The following HS3ST2 variants were observed in gnomAD, a reference collection of about 807,000 sequenced individuals.
The protein encoded by HS3ST2 is heparan sulfate glucosamine 3-O-sulfotransferase 2.
HS3ST2 carries 17 observed loss-of-function variants against 26.3 expected under a neutral mutation model. That is an observed-to-expected ratio of 0.65 (90% CI 0.44 to 0.97). The LOEUF is 0.97. Ranked by LOEUF, HS3ST2 falls within the 50% of genes least tolerant of loss-of-function variation. The pLI is 0.00. For missense variants in HS3ST2, 402 were observed against 501.2 expected (o/e 0.80, Z 1.89); for synonymous variants, 237 against 219.2 (o/e 1.08, Z -0.72).
intron 1 of HS3ST2, among the ~76,000 whole-genome samples, chr16:22,882,807 T>A (rs1238368092): frequency 6.6e-6 from 1 of 151,626 alleles, no homozygotes; most frequent in Admixed American, 6.6e-5. Context: ...CTGAGGCAGG[T>A]GGATCACGAG....
At chr16:22,900,647 A>G (rs1285590428) in intron 1 of HS3ST2, among the ~76,000 whole-genome samples, 2 of 152,110 alleles carry the variant, frequency 1.3e-5, no homozygotes, top group Admixed American at 6.6e-5. Context: ...TGAAGTGTGT[A>G]TGGAGAAAGA....
At chr16:22,828,077 A>T (rs1901116277) in intron 1 of HS3ST2, among the ~76,000 whole-genome samples, 2 of 152,030 alleles carry the variant, frequency 1.3e-5, no homozygotes, top group South Asian at 4.1e-4. Flanking sequence ...TCTGAACCAA[A>T]TATACTTCCC....
Position 22,850,858 on chromosome 16 carries a change from A to G in HS3ST2, c.485+35763A>G, listed in dbSNP as rs1430565368. Among the ~76,000 whole-genome samples the G allele has an allele frequency of 2.6e-5, 4 of 152,204 alleles. No individual in the cohort carries two copies. The South Asian group carries it at 8.3e-4, about 32-fold the overall frequency. On this transcript the variant is annotated intron_variant, in intron 1 of 1. Coordinates refer to ENST00000261374, the MANE Select transcript of HS3ST2 (RefSeq NM_006043.2). ...ACAAAAAAAACAGAATCTCTCATAC[A>G]GCCGCAGTTCTGCAGTTGAATATCA... is the stretch of plus-strand genomic sequence containing the variant.
chr16:22,877,807 C>T (rs1805862690), intron 1 of HS3ST2, among the ~76,000 whole-genome samples: 1 of 152,142 alleles, frequency 6.6e-6, no homozygotes, highest in South Asian at 2.1e-4. Flanking sequence ...GCTTGTCTGA[C>T]CAAGTAAGAC....
intron 1 of HS3ST2, among the ~76,000 whole-genome samples, chr16:22,886,217 C>T (rs982733257): frequency 6.6e-6 from 1 of 152,202 alleles, no homozygotes; most frequent in African/African-American, 2.4e-5. Context: ...CCCTGCAAAA[C>T]ATAGCAAAGT....
intron 1 of HS3ST2, among the ~76,000 whole-genome samples, chr16:22,846,799 T>TAA (rs35012150): frequency 1.3e-3 from 191 of 150,900 alleles, no homozygotes; most frequent in Non-Finnish European, 2.0e-3. Flanking sequence ...AACCTTAATG[T>TAA]AAAAAAAAAT....
chr16:22,866,067 A>G (rs1901745326), intron 1 of HS3ST2, among the ~76,000 whole-genome samples: 1 of 152,194 alleles, frequency 6.6e-6, no homozygotes, highest in South Asian at 2.1e-4. Context: ...GGTTCCTTAC[A>G]TTATGTTTAA....
intron 1 of HS3ST2, among the ~76,000 whole-genome samples, chr16:22,831,221 C>T (rs990082871): frequency 6.6e-6 from 1 of 152,206 alleles, no homozygotes; most frequent in African/African-American, 2.4e-5. Flanking sequence ...TCATTTGCCA[C>T]CTAAATTTGT....
intron 1 of HS3ST2, among the ~76,000 whole-genome samples, chr16:22,824,064 TAGAC>T (rs1901043729): frequency 6.6e-6 from 1 of 152,246 alleles, no homozygotes. Context: ...CACGTATCTG[TAGAC>T]GTCAGTGTCA....
intron 1 of HS3ST2, among the ~76,000 whole-genome samples, chr16:22,913,266 C>A (rs1036636747): frequency 6.6e-6 from 1 of 151,618 alleles, no homozygotes; most frequent in African/African-American, 2.4e-5. Context: ...CAACTATGAC[C>A]TTCATCAAGA....
intron 1 of HS3ST2, among the ~76,000 whole-genome samples, chr16:22,833,662 G>T (rs117242935): frequency 0.022 from 3,345 of 152,214 alleles, 58 homozygotes; most frequent in Middle Eastern, 0.061. Context: ...GTGGACTCTT[G>T]TAGGGTCAGT....
chr16:22,843,338 C>T (rs940442700), intron 1 of HS3ST2, among the ~76,000 whole-genome samples: 1 of 152,138 alleles, frequency 6.6e-6, no homozygotes, highest in Non-Finnish European at 1.5e-5. Context: ...ACATTATCTA[C>T]CCAGAAACAG....
intron 1 of HS3ST2, among the ~76,000 whole-genome samples, chr16:22,864,882 C>CAAAAAAAAAAAAAA (rs34942780): frequency 1.6e-4 from 9 of 57,148 alleles, no homozygotes; most frequent in Admixed American, 4.2e-4. Context: ...CCTGTCTCCA[C>CAAAAAAAAAAAAAA]AAAAAAAAAA....
intron 1 of HS3ST2, among the ~76,000 whole-genome samples, chr16:22,888,373 C>CTT (rs1165585404): frequency 3.0e-3 from 186 of 61,230 alleles, no homozygotes; most frequent in African/African-American, 5.7e-3. Context: ...TCTGGCTTTT[C>CTT]TTTTTTTTTT....
At chr16:22,892,397 A>C (rs149011076) in intron 1 of HS3ST2, among the ~76,000 whole-genome samples, 144 of 152,244 alleles carry the variant, frequency 9.5e-4, no homozygotes, top group African/African-American at 3.3e-3. Flanking sequence ...CTTCCTTTTA[A>C]TATCCAAGTA....
intron 1 of HS3ST2, among the ~76,000 whole-genome samples, chr16:22,914,269 T>C (rs922663162): frequency 1.1e-4 from 17 of 152,224 alleles, no homozygotes; most frequent in Admixed American, 9.2e-4. Context: ...ATACAAGCTG[T>C]ATCTTGCCTG....
chr16:22,884,676 A>ATT (rs1406304834), intron 1 of HS3ST2, among the ~76,000 whole-genome samples: 1 of 137,416 alleles, frequency 7.3e-6, no homozygotes, highest in Non-Finnish European at 1.6e-5. Context: ...ATATATATAT[A>ATT]TTATATATAT....
intron 1 of HS3ST2, among the ~76,000 whole-genome samples, chr16:22,905,522 G>T (rs906587441): frequency 7.2e-5 from 11 of 151,852 alleles, no homozygotes; most frequent in Admixed American, 4.6e-4. Context: ...TGAGAAAGAG[G>T]GACATATCTT....
At chr16:22,844,508 G>A (rs1392109698) in intron 1 of HS3ST2, among the ~76,000 whole-genome samples, 1 of 152,136 alleles carries the variant, frequency 6.6e-6, no homozygotes, top group Non-Finnish European at 1.5e-5. Flanking sequence ...CTTTCTGGGA[G>A]GGATGTGGTT....
Sources: gnomAD v4.1 joint callset for allele counts (sites outside exome capture counted in the v4.1 genomes callset) on GRCh38, gnomAD v4.1.1 for gene constraint, MANE v1.5 for transcripts, NCBI Gene and HGNC (gene_info 2026-07-23, HGNC 2026-07-21) for gene names.